Variants in PTPN13 observed in about 807,000 individuals in gnomAD.
The protein encoded by PTPN13 is tyrosine-protein phosphatase non-receptor type 13.
Under a neutral mutation model 284.0 loss-of-function variants are expected in PTPN13, and 191 were observed. The ratio of observed to expected loss-of-function variants is 0.67; its 90% confidence interval spans 0.60 to 0.76. PTPN13 has a LOEUF of 0.76. Among genes scored for constraint, PTPN13 ranks in the 30% least tolerant of loss-of-function variants. The probability of loss-of-function intolerance (pLI) is 0.00; values close to 1 mark genes in which losing one functional copy is unlikely to be tolerated. For synonymous variants in PTPN13, 986 were observed against 1,022.3 expected, an observed-to-expected ratio of 0.96 and a Z score of 0.68; for missense variants, 2,797 against 2,939.9, an observed-to-expected ratio of 0.95 and a Z score of 1.12.
chr4:86,656,465 G>A (rs1013170330), intron 2 of PTPN13, among the ~76,000 whole-genome samples: 7 of 152,200 alleles, frequency 4.6e-5, no homozygotes, highest in Non-Finnish European at 1.0e-4. Flanking sequence ...CTAACAGTGA[G>A]GACCCTCAGC....
At chr4:86,615,704 A>AT (rs1935151539) in intron 1 of PTPN13, among the ~76,000 whole-genome samples, 1 of 152,130 alleles carries the variant, frequency 6.6e-6, no homozygotes, top group Non-Finnish European at 1.5e-5. Context: ...GTTTTTCTAT[A>AT]TTATTAGAAG....
chr4:86,601,062 G>T (rs1764257148), intron 1 of PTPN13, among the ~76,000 whole-genome samples: 1 of 151,924 alleles, frequency 6.6e-6, no homozygotes, highest in African/African-American at 2.4e-5. Flanking sequence ...TTCTCTGCCT[G>T]GTTCAAGGAA....
At chr4:86,715,008 A>G (rs1178077614) in intron 7 of PTPN13, among the ~76,000 whole-genome samples, 1 of 152,126 alleles carries the variant, frequency 6.6e-6, no homozygotes, top group East Asian at 1.9e-4. Flanking sequence ...AGGTTAAGGA[A>G]AAAAAAGATA....
intron 15 of PTPN13, among the ~76,000 whole-genome samples, chr4:86,739,005 T>C (rs1386906558): frequency 6.6e-6 from 1 of 152,194 alleles, no homozygotes; most frequent in African/African-American, 2.4e-5. Flanking sequence ...TGAGCAAGTT[T>C]TCAATGTTAA....
chr4:86,790,062 CATT>C (rs1275468269), intron 40 of PTPN13, among the ~76,000 whole-genome samples: 2 of 152,062 alleles, frequency 1.3e-5, no homozygotes, highest in Non-Finnish European at 2.9e-5. Flanking sequence ...TTTCTAAAAT[CATT>C]ATACACATAC....
At chr4:86,601,664 T>G (rs1210316186) in intron 1 of PTPN13, among the ~76,000 whole-genome samples, 1 of 152,176 alleles carries the variant, frequency 6.6e-6, no homozygotes, top group Non-Finnish European at 1.5e-5. Flanking sequence ...TGTTAGTACA[T>G]CAAACTTTCT....
chr4:86,646,319 A>G (rs1019827127), intron 2 of PTPN13, among the ~76,000 whole-genome samples: 39 of 147,658 alleles, frequency 2.6e-4, no homozygotes, highest in African/African-American at 4.7e-4. Context: ...TTTTTTAAAG[A>G]CAGAATCTCC....
intron 20 of PTPN13, among the ~76,000 whole-genome samples, chr4:86,754,255 T>C (rs982946715): frequency 6.6e-6 from 1 of 152,062 alleles, no homozygotes. Context: ...ATTGAACTTA[T>C]ACTTGGACGT....
At chr4:86,631,463 C>CTACAGCAGAATTAA (rs1722459915) in intron 1 of PTPN13, among the ~76,000 whole-genome samples, 1 of 152,014 alleles carries the variant, frequency 6.6e-6, no homozygotes. Context: ...TGCTGTAATA[C>CTACAGCAGAATTAA]TACATTAAAT....
chr4:86,735,802 A>C, intron 15 of PTPN13, 56 bp downstream of exon 15: 1 of 1,507,416 alleles, frequency 6.6e-7, no homozygotes. Context: ...GTAAGCAAGA[A>C]GTGTTAGAGG....
At chr4:86,662,559 T>C (rs747843780) in intron 2 of PTPN13, among the ~76,000 whole-genome samples, 7 of 152,150 alleles carry the variant, frequency 4.6e-5, no homozygotes, top group Admixed American at 1.3e-4. Context: ...CTCCATCTCT[T>C]GACCTCATGA....
At chr4:86,708,214 G>T (rs543675890) in intron 7 of PTPN13, among the ~76,000 whole-genome samples, 31 of 152,100 alleles carry the variant, frequency 2.0e-4, no homozygotes, top group Non-Finnish European at 4.3e-4. Flanking sequence ...CACCATATTG[G>T]ACAGTGCAGC....
intron 10 of PTPN13, among the ~76,000 whole-genome samples, chr4:86,724,198 T>G (rs1044308953): frequency 2.6e-5 from 4 of 152,194 alleles, no homozygotes; most frequent in African/African-American, 9.6e-5. Flanking sequence ...CAATAAAATA[T>G]AACTGAACAT....
intron 1 of PTPN13, among the ~76,000 whole-genome samples, chr4:86,618,208 G>T (rs1373573982): frequency 6.6e-6 from 1 of 152,020 alleles, no homozygotes; most frequent in Non-Finnish European, 1.5e-5. Context: ...TCTTGTTTTT[G>T]TCAGGTTTGT....
intron 2 of PTPN13, among the ~76,000 whole-genome samples, chr4:86,657,951 G>A (rs1427642779): frequency 1.3e-5 from 2 of 152,202 alleles, no homozygotes; most frequent in Admixed American, 1.3e-4. Context: ...AGCTGCCACA[G>A]TTGGTTTTGC....
intron 3 of PTPN13, among the ~76,000 whole-genome samples, chr4:86,686,433 G>A (rs1003772917): frequency 2.0e-5 from 3 of 152,024 alleles, no homozygotes; most frequent in African/African-American, 4.8e-5. Flanking sequence ...ATATATATTC[G>A]TATTTGCTTG....
chr4:86,639,008 T>C (rs1389416288), intron 2 of PTPN13, among the ~76,000 whole-genome samples: 2 of 152,002 alleles, frequency 1.3e-5, no homozygotes, highest in African/African-American at 2.4e-5. Context: ...CATCAAAAAG[T>C]GGGCAAAGGA....
Position 86,666,564 on chromosome 4 carries a change from A to G in PTPN13, c.116-5801A>G, listed in dbSNP as rs1331368095. Among the ~76,000 whole-genome samples, 4 of 152,328 alleles carry G rather than the reference A, an allele frequency of 2.6e-5. No individual in the cohort carries two copies. The East Asian group carries it at 7.7e-4, about 29-fold the overall frequency. The stretch of plus-strand genomic sequence containing the variant: ...AAATTATAATTTGTATCCTTAAACC[A>G]CTTTTATTCTAGGAGAAATATGTGA... On this transcript the variant is annotated intron_variant, in intron 2 of 47. Transcript: ENST00000411767.
chr4:86,678,574 G>A (rs894290571), intron 3 of PTPN13, among the ~76,000 whole-genome samples: 9 of 152,204 alleles, frequency 5.9e-5, no homozygotes, highest in African/African-American at 2.2e-4. Flanking sequence ...TCACTGGAAT[G>A]TGCCACAGGC....
Sources: allele counts gnomAD v4.1 joint callset (sites outside exome capture counted in the v4.1 genomes callset), GRCh38; gene constraint gnomAD v4.1.1; transcripts MANE v1.5; gene names NCBI Gene and HGNC (gene_info 2026-07-23, HGNC 2026-07-21).